The following UBE2D3 variants were observed in gnomAD, a reference collection of about 807,000 sequenced individuals.
UBE2D3 encodes ubiquitin conjugating enzyme E2 D3, also known as ubiquitin-conjugating enzyme E2 D3.
Under a neutral mutation model 22.8 loss-of-function variants are expected in UBE2D3, and 2 were observed. The observed-to-expected ratio is 0.09, with a 90% CI of 0.04 to 0.28. UBE2D3 has a LOEUF of 0.28. Among genes scored for constraint, UBE2D3 ranks in the 10% least tolerant of loss-of-function variants. The pLI, the probability that UBE2D3 is intolerant of heterozygous loss-of-function variation, is 1.00. For missense variants in UBE2D3, 27 were observed against 182.5 expected (o/e 0.15, Z 4.91); for synonymous variants, 56 against 60.4 (o/e 0.93, Z 0.34).
chr4:102,868,174 G>C (rs755052933), intron 1 of UBE2D3, among the ~76,000 whole-genome samples: 2 of 145,992 alleles, frequency 1.4e-5, no homozygotes, highest in Non-Finnish European at 1.5e-5. Flanking sequence ...CCTGGTTCAA[G>C]CGATTCTCCT....
At chr4:102,814,585 G>T (rs2110296660) in intron 2 of UBE2D3, among the ~76,000 whole-genome samples, 1 of 151,354 alleles carries the variant, frequency 6.6e-6, no homozygotes, top group South Asian at 2.1e-4. Context: ...ATACAGGTGT[G>T]AACCACTGCA....
chr4:102,820,028 A>G lies in UBE2D3; in HGVS notation c.24+6457T>C, dbSNP rs960911419. ...AACACTGCTTTGGGGACTGGAAGAG[A>G]TGATAAAATGAGGTGGGAAACAAAG... On this transcript the variant is annotated intron_variant, in intron 2 of 7. Transcript: ENST00000453744. 1.8e-4 allele frequency among the ~76,000 whole-genome samples: 27 copies of G among 152,200 alleles called. 1 individual carries two copies. Among genetic ancestry groups the G allele is most frequent in the Admixed American group, 6.5e-5 (1 of 15,274 alleles).
intron 2 of UBE2D3, among the ~76,000 whole-genome samples, chr4:102,816,018 T>C (rs567463481): frequency 1.4e-4 from 22 of 152,290 alleles, no homozygotes; most frequent in African/African-American, 5.1e-4. Context: ...TGTAACATTA[T>C]ATGCCCACAG....
chr4:102,809,748 T>C (rs773442913), intron 3 of UBE2D3, 44 bp downstream of exon 3: 2 of 1,612,946 alleles, frequency 1.2e-6, no homozygotes, highest in Non-Finnish European at 1.7e-6. Context: ...ATGCACAAGC[T>C]TAAAAAAAAA....
chr4:102,850,950 G>T (rs560918500), intron 1 of UBE2D3, among the ~76,000 whole-genome samples: 7 of 149,806 alleles, frequency 4.7e-5, no homozygotes, highest in Admixed American at 2.0e-4. Context: ...TGAGAGGGGG[G>T]TGAGGGATAA....
At chr4:102,812,030 C>A (rs1039838662) in intron 2 of UBE2D3, 40 of 187,674 alleles carry the variant, frequency 2.1e-4, no homozygotes, top group Non-Finnish European at 2.1e-4. Context: ...TTTTTTTCCT[C>A]AACTGTGATC....
At chr4:102,853,611 A>C (rs1488375699) in intron 1 of UBE2D3, among the ~76,000 whole-genome samples, 3 of 152,162 alleles carry the variant, frequency 2.0e-5, no homozygotes, top group African/African-American at 7.2e-5. Context: ...AATGGAGAAT[A>C]ATATAAATTT....
chr4:102,861,778 C>A (rs907978099), intron 1 of UBE2D3, among the ~76,000 whole-genome samples: 1 of 151,960 alleles, frequency 6.6e-6, no homozygotes, highest in Non-Finnish European at 1.5e-5. Context: ...TTATGTATAT[C>A]ATATATGTGC....
intron 2 of UBE2D3, among the ~76,000 whole-genome samples, chr4:102,816,980 G>C (rs187928396): frequency 3.3e-4 from 51 of 152,326 alleles, no homozygotes; most frequent in Non-Finnish European, 5.7e-4. Flanking sequence ...CAAATGCTCT[G>C]AGAATCCTGA....
intron 2 of UBE2D3, chr4:102,813,115 T>C (rs1313641453): frequency 6.6e-6 from 1 of 152,198 alleles, no homozygotes; most frequent in Non-Finnish European, 1.5e-5. Flanking sequence ...TAATAGTATC[T>C]TTTTTAAAAA....
At chr4:102,848,920 CCT>C (rs1491159252) in intron 1 of UBE2D3, among the ~76,000 whole-genome samples, 207 of 96,534 alleles carry the variant, frequency 2.1e-3, no homozygotes, top group Non-Finnish European at 3.4e-3. Flanking sequence ...TTTATGTGTG[CCT>C]GTGTGTGTGT....
At chr4:102,863,845 A>C (rs1484341288) in intron 1 of UBE2D3, among the ~76,000 whole-genome samples, 1 of 152,186 alleles carries the variant, frequency 6.6e-6, no homozygotes, top group East Asian at 1.9e-4. Flanking sequence ...CCACATCTAG[A>C]GAAAGAGCTC....
rs1402387089 is a variant in UBE2D3 at position 102,868,759 on chromosome 4, C to T, written c.-173G>A. Reference sequence around the variant, plus strand: ...TTAGAAAGCATTCTCACATGCTTATCTCATCGCACACAGTATCCTTTCTGC... The same window carrying T: ...TTAGAAAGCATTCTCACATGCTTATTTCATCGCACACAGTATCCTTTCTGC... On this transcript the variant is annotated 5_prime_UTR_variant, in exon 1 of 8. Coordinates refer to the UBE2D3 transcript ENST00000338145. The T allele has an allele frequency of 3.7e-6, 6 of 1,614,120 alleles. No individual in the cohort carries two copies. The South Asian group carries it at 5.5e-5, about 15-fold the overall frequency.
At chr4:102,868,053 A>T (rs1228965366) in intron 1 of UBE2D3, among the ~76,000 whole-genome samples, 1 of 149,920 alleles carries the variant, frequency 6.7e-6, no homozygotes, top group Non-Finnish European at 1.5e-5. Flanking sequence ...AAAGAAAACC[A>T]TACATAAGGC....
chr4:102,847,658 G>A (rs550243411), intron 1 of UBE2D3, among the ~76,000 whole-genome samples: 35 of 150,790 alleles, frequency 2.3e-4, no homozygotes, highest in East Asian at 1.9e-4. Flanking sequence ...TTTTCTTTTC[G>A]TTAGAGATAG....
intron 2 of UBE2D3, among the ~76,000 whole-genome samples, chr4:102,823,707 A>G (rs1476158176): frequency 2.0e-5 from 3 of 152,168 alleles, no homozygotes; most frequent in Admixed American, 2.0e-4. Flanking sequence ...TTAAGACCAT[A>G]TTACAGCTCG....
chr4:102,835,091 A>T (rs1210642362), intron 1 of UBE2D3, among the ~76,000 whole-genome samples: 1 of 152,174 alleles, frequency 6.6e-6, no homozygotes, highest in Non-Finnish European at 1.5e-5. Flanking sequence ...AATATAAAAT[A>T]TTTTAAATTA....
chr4:102,827,652 G>A (rs1294959392), upstream of UBE2D3: 5 of 986,200 alleles, frequency 5.1e-6, no homozygotes, highest in Non-Finnish European at 6.0e-6. Flanking sequence ...ACCGATGTGA[G>A]GCCGAAGCCA....
intron 1 of UBE2D3, among the ~76,000 whole-genome samples, chr4:102,860,431 G>T (rs1332420684): frequency 6.6e-6 from 1 of 151,460 alleles, no homozygotes; most frequent in African/African-American, 2.4e-5. Context: ...GTATGTGTGT[G>T]TGTGTGTGTT....
Sources: gnomAD v4.1 joint callset for allele counts (sites outside exome capture counted in the v4.1 genomes callset) on GRCh38, gnomAD v4.1.1 for gene constraint, MANE v1.5 for transcripts, NCBI Gene and HGNC (gene_info 2026-07-23, HGNC 2026-07-21) for gene names.